The following AGTPBP1 variants were observed in gnomAD, a reference collection of about 807,000 sequenced individuals.
AGTPBP1 encodes cytosolic carboxypeptidase 1.
Under a neutral mutation model 143.9 loss-of-function variants are expected in AGTPBP1, and 70 were observed. The observed-to-expected ratio is 0.49, with a 90% confidence interval of 0.40 to 0.59. AGTPBP1 has a LOEUF of 0.59. Among genes scored for constraint, AGTPBP1 ranks in the 20% least tolerant of loss-of-function variants. The pLI, the probability that AGTPBP1 is intolerant of heterozygous loss-of-function variation, is 0.00. For synonymous variants in AGTPBP1, 463 were observed against 500.2 expected (o/e 0.93, Z 0.99); for missense variants, 1,229 against 1,464.5 (o/e 0.84, Z 2.62).
the AGTPBP1 span, among the ~76,000 whole-genome samples, chr9:85,750,226 G>A: frequency 2.0e-5 from 3 of 152,114 alleles, no homozygotes; most frequent in South Asian, 6.2e-4. Flanking sequence ...CAAGTATAAG[G>A]TCTCTTTATT....
chr9:85,726,878 T>C (rs1838528259), intron 1 of AGTPBP1, among the ~76,000 whole-genome samples: 1 of 152,064 alleles, frequency 6.6e-6, no homozygotes, highest in Non-Finnish European at 1.5e-5. Context: ...AGTCACACAA[T>C]TGGTGGTGAG....
At chr9:85,775,220 C>A in the AGTPBP1 span, among the ~76,000 whole-genome samples, 1 of 152,038 alleles carries the variant, frequency 6.6e-6, no homozygotes, top group Admixed American at 6.6e-5. Flanking sequence ...GGGAGAATCA[C>A]CTGAGTCCCA....
At chr9:85,614,873 T>C (rs556942050) in intron 17 of AGTPBP1, among the ~76,000 whole-genome samples, 1 of 152,168 alleles carries the variant, frequency 6.6e-6, no homozygotes, top group South Asian at 2.1e-4. Context: ...TATAAGCAAG[T>C]TATGGTGGCA....
rs777298611 is a variant in AGTPBP1 at position 85,642,960 on chromosome 9, A to G, written c.1186-17T>C. 9 of 1,576,974 alleles carry G rather than the reference A, an allele frequency of 5.7e-6. No individual in the cohort carries two copies. Among genetic ancestry groups the G allele is most frequent in the Middle Eastern group, 1.8e-4 (1 of 5,436 alleles). On this transcript the variant is annotated splice_polypyrimidine_tract_variant and intron_variant, in intron 12 of 25. Coordinates refer to ENST00000357081, the MANE Select transcript of AGTPBP1 (RefSeq NM_001330701.2). ...ATCATCATTCTGAAATGATAAAAAGAGTATGTTATCAGGTAAAACAAAATT... is the reference window on the plus strand; with the variant it reads ...ATCATCATTCTGAAATGATAAAAAGGGTATGTTATCAGGTAAAACAAAATT...
At chr9:85,778,424 C>T in the AGTPBP1 span, among the ~76,000 whole-genome samples, 2 of 152,284 alleles carry the variant, frequency 1.3e-5, no homozygotes, top group Admixed American at 6.5e-5. Context: ...TGGGGGTCTG[C>T]GAGAGGCTCC....
intron 4 of AGTPBP1, among the ~76,000 whole-genome samples, chr9:85,680,179 G>A (rs1835083403): frequency 6.6e-6 from 1 of 152,118 alleles, no homozygotes; most frequent in South Asian, 2.1e-4. Context: ...AATTACTGAA[G>A]ATTTCTAATG....
chr9:85,622,813 A>G (rs888654637), intron 14 of AGTPBP1, among the ~76,000 whole-genome samples: 1 of 152,182 alleles, frequency 6.6e-6, no homozygotes, highest in African/African-American at 2.4e-5. Context: ...GCCAATAGTG[A>G]AGGATATGGC....
Position 85,632,998 on chromosome 9 carries a change from A to G in AGTPBP1, c.1679T>C (p.Leu560Pro). 6.2e-7 allele frequency: 1 copy of G among 1,614,154 alleles called. No individual in the cohort carries two copies. The highest frequency in any genetic ancestry group is 1.7e-5 in the Admixed American group (1 of 60,016). Residue 560 changes from leucine to proline, a missense_variant, in exon 14 of 26, where the codon CTT becomes CCT. Physicochemically the swap from Leu to Pro is moderately conservative, Grantham distance 98. This residue lies in a region of AGTPBP1 where 743 missense variants were observed against 812.2 expected (regional missense o/e 0.91). Transcript: ENST00000357081. ...AGCACAGGTAAGGACAGTAAGAGGAAGACTGCAGTCCTTCTTCATTTCTGC... is the reference window on the plus strand; with the variant it reads ...AGCACAGGTAAGGACAGTAAGAGGAGGACTGCAGTCCTTCTTCATTTCTGC... ...FTAEMKKDCSLPLTVLTCAKA... is the reference protein window; with the variant it reads ...FTAEMKKDCSPPLTVLTCAKA...
At chr9:85,585,848 G>C (rs62566896) in intron 22 of AGTPBP1, among the ~76,000 whole-genome samples, 2,529 of 152,236 alleles carry the variant, frequency 0.017, 30 homozygotes, top group Middle Eastern at 0.055. Flanking sequence ...CACCATTTAA[G>C]AAATAACACA....
intron 25 of AGTPBP1, among the ~76,000 whole-genome samples, chr9:85,550,060 A>G (rs1825943499): frequency 6.6e-6 from 1 of 152,194 alleles, no homozygotes; most frequent in African/African-American, 2.4e-5. Context: ...TACAGCACAC[A>G]TCGAGCTATT....
At chr9:85,652,569 T>C (rs1833234718) in intron 11 of AGTPBP1, among the ~76,000 whole-genome samples, 1 of 152,120 alleles carries the variant, frequency 6.6e-6, no homozygotes, top group African/African-American at 2.4e-5. Flanking sequence ...CACATCATGG[T>C]GCTGGGAGGG....
chr9:85,730,610 C>T (rs1002749309), intron 1 of AGTPBP1, among the ~76,000 whole-genome samples: 2 of 152,124 alleles, frequency 1.3e-5, no homozygotes, highest in African/African-American at 4.8e-5. Context: ...TTCCCTGGTA[C>T]CCTAAGGGGT....
At chr9:85,684,574 T>C (rs916391250) in intron 3 of AGTPBP1, among the ~76,000 whole-genome samples, 1 of 151,940 alleles carries the variant, frequency 6.6e-6, no homozygotes, top group African/African-American at 2.4e-5. Flanking sequence ...CTCAAACAAG[T>C]ACTCTATATT....
At chr9:85,679,854 T>C (rs190884833) in intron 4 of AGTPBP1, among the ~76,000 whole-genome samples, 9 of 152,322 alleles carry the variant, frequency 5.9e-5, no homozygotes, top group African/African-American at 1.9e-4. Flanking sequence ...TTCTATTTCT[T>C]CATACTTAAA....
the AGTPBP1 span, among the ~76,000 whole-genome samples, chr9:85,796,727 GTAT>G: frequency 6.6e-6 from 1 of 152,122 alleles, no homozygotes; most frequent in Non-Finnish European, 1.5e-5. Flanking sequence ...TTGCATGCCT[GTAT>G]TAGAACATCT....
chr9:85,652,307 G>A (rs574980679), intron 11 of AGTPBP1, among the ~76,000 whole-genome samples: 2 of 152,126 alleles, frequency 1.3e-5, no homozygotes, highest in African/African-American at 4.8e-5. Flanking sequence ...TCAAGAGATC[G>A]AGACCATCCT....
intron 14 of AGTPBP1, among the ~76,000 whole-genome samples, chr9:85,630,959 A>T (rs556932117): frequency 6.6e-6 from 1 of 152,328 alleles, no homozygotes; most frequent in Non-Finnish European, 1.5e-5. Context: ...GGGAGTAGGC[A>T]ACAGGCTAAT....
the AGTPBP1 span, among the ~76,000 whole-genome samples, chr9:85,759,609 C>T: frequency 6.6e-6 from 1 of 151,978 alleles, no homozygotes; most frequent in Non-Finnish European, 1.5e-5. Flanking sequence ...ATCTCTGGGA[C>T]ACATTTAAAG....
chr9:85,801,679 G>C, the AGTPBP1 span, among the ~76,000 whole-genome samples: 10 of 152,136 alleles, frequency 6.6e-5, no homozygotes, highest in African/African-American at 1.9e-4. Flanking sequence ...AATTTGAGAG[G>C]TCAGAGAGAA....
Sources: allele counts gnomAD v4.1 joint callset (sites outside exome capture counted in the v4.1 genomes callset), GRCh38; gene constraint gnomAD v4.1.1; regional missense constraint gnomAD v4.1.1; transcripts MANE v1.5; gene names NCBI Gene and HGNC (gene_info 2026-07-23, HGNC 2026-07-21).